The following HECW2 variants were observed in gnomAD, a reference collection of about 807,000 sequenced individuals.
HECW2 encodes the protein E3 ubiquitin-protein ligase HECW2.
Under a neutral mutation model 175.2 loss-of-function variants are expected in HECW2, and 61 were observed. That is an observed-to-expected ratio of 0.35 (90% confidence interval 0.28 to 0.43). The LOEUF (loss-of-function observed/expected upper bound fraction) is 0.43. Ranked by LOEUF, HECW2 falls within the 20% of genes least tolerant of loss-of-function variation. The pLI is 1.00. For synonymous variants in HECW2, 671 were observed against 731.0 expected (o/e 0.92, Z 1.32); for missense variants, 1,524 against 2,000.5 (o/e 0.76, Z 4.54).
chr2:196,402,200 C>CAAAAAA (rs55851966), intron 2 of HECW2, among the ~76,000 whole-genome samples: 5 of 70,384 alleles, frequency 7.1e-5, no homozygotes, highest in African/African-American at 1.6e-4. Context: ...GACTCTGTCT[C>CAAAAAA]AAAAAAAAAA....
intron 1 of HECW2, among the ~76,000 whole-genome samples, chr2:196,453,110 T>C (rs1250544016): frequency 1.3e-5 from 2 of 152,210 alleles, no homozygotes; most frequent in South Asian, 2.1e-4. Flanking sequence ...ACAGAGACCA[T>C]GTAAGCAAAT....
At chr2:196,527,322 C>T (rs928773514) in intron 1 of HECW2, among the ~76,000 whole-genome samples, 3 of 152,262 alleles carry the variant, frequency 2.0e-5, no homozygotes, top group African/African-American at 4.8e-5. Context: ...GGCAATGCCT[C>T]GCCCTGCTTC....
At chr2:196,323,115 T>G (rs762620123) in intron 6 of HECW2, among the ~76,000 whole-genome samples, 1 of 152,234 alleles carries the variant, frequency 6.6e-6, no homozygotes, top group African/African-American at 2.4e-5. Flanking sequence ...TGCAGAATAC[T>G]GTGGTTTCCC....
intron 28 of HECW2, 80 bp from the exon 29 acceptor site, chr2:196,201,468 G>C: frequency 1.2e-6 from 1 of 866,362 alleles, no homozygotes; most frequent in Non-Finnish European, 1.9e-6. Flanking sequence ...GTGTGTGTGT[G>C]TCTGTGTGTG....
chr2:196,350,771 A>G (rs1230378562), intron 2 of HECW2, among the ~76,000 whole-genome samples: 1 of 152,252 alleles, frequency 6.6e-6, no homozygotes, highest in African/African-American at 2.4e-5. Flanking sequence ...ATATAATGCA[A>G]TGCGAAAATT....
At chr2:196,424,722 A>T (rs779357502) in intron 2 of HECW2, among the ~76,000 whole-genome samples, 1 of 152,200 alleles carries the variant, frequency 6.6e-6, no homozygotes, top group Non-Finnish European at 1.5e-5. Flanking sequence ...GCAGAAGAAA[A>T]GCTGGAAGCT....
chr2:196,247,353 G>A (rs1367363020), intron 19 of HECW2, among the ~76,000 whole-genome samples: 1 of 152,172 alleles, frequency 6.6e-6, no homozygotes, highest in African/African-American at 2.4e-5. Flanking sequence ...TCCAGAGCAG[G>A]AATGATGTTA....
intron 14 of HECW2, chr2:196,290,370 T>G (rs1001561063): frequency 6.6e-6 from 1 of 152,228 alleles, no homozygotes; most frequent in Non-Finnish European, 1.5e-5. Context: ...CTATATGTAA[T>G]TGAAACTTTT....
At chr2:196,362,547 C>T (rs1038325784) in intron 2 of HECW2, among the ~76,000 whole-genome samples, 2 of 152,150 alleles carry the variant, frequency 1.3e-5, no homozygotes, top group African/African-American at 4.8e-5. Flanking sequence ...AGTATTTTAA[C>T]TAATCCAGAG....
intron 3 of HECW2, among the ~76,000 whole-genome samples, chr2:196,340,936 A>G (rs1311598023): frequency 6.6e-6 from 1 of 152,150 alleles, no homozygotes; most frequent in Admixed American, 6.5e-5. Context: ...GAAAAGAAAA[A>G]AAAAAAACCC....
At chr2:196,386,117 G>A (rs140845664) in intron 2 of HECW2, among the ~76,000 whole-genome samples, 90 of 152,334 alleles carry the variant, frequency 5.9e-4, no homozygotes, top group South Asian at 3.5e-3. Flanking sequence ...TGCCTACTTT[G>A]TGCCAGGATC....
intron 2 of HECW2, among the ~76,000 whole-genome samples, chr2:196,383,100 A>G (rs766809788): frequency 1.2e-4 from 19 of 152,194 alleles, no homozygotes; most frequent in Non-Finnish European, 2.5e-4. Context: ...GAAGCAGTGG[A>G]GCCAGATATA....
At chr2:196,218,720 A>G (rs919867264) in intron 26 of HECW2, among the ~76,000 whole-genome samples, 2 of 152,146 alleles carry the variant, frequency 1.3e-5, no homozygotes, top group Admixed American at 6.5e-5. Flanking sequence ...CATCTCCTGG[A>G]AGGAAAGAAT....
intron 2 of HECW2, among the ~76,000 whole-genome samples, chr2:196,401,237 G>A (rs771201980): frequency 1.2e-4 from 19 of 152,154 alleles, no homozygotes; most frequent in Non-Finnish European, 2.6e-4. Flanking sequence ...TAGGGTAATG[G>A]TTAAAGAAAT....
intron 2 of HECW2, among the ~76,000 whole-genome samples, chr2:196,411,966 C>A (rs185031092): frequency 6.6e-6 from 1 of 152,272 alleles, no homozygotes; most frequent in East Asian, 1.9e-4. Flanking sequence ...GCCAAAATTG[C>A]ACCAGTGCAC....
intron 4 of HECW2, among the ~76,000 whole-genome samples, chr2:196,333,882 T>C (rs1470439152): frequency 6.6e-6 from 1 of 152,118 alleles, no homozygotes; most frequent in Non-Finnish European, 1.5e-5. Context: ...GAAGTTGACT[T>C]CCATTGAGTG....
chr2:196,357,062 G>A (rs1693398269), intron 2 of HECW2, among the ~76,000 whole-genome samples: 1 of 152,216 alleles, frequency 6.6e-6, no homozygotes, highest in Non-Finnish European at 1.5e-5. Context: ...AAGCAGGGAA[G>A]TGACATGATC....
At chr2:196,565,869 A>T (rs1690170623) in intron 1 of HECW2, among the ~76,000 whole-genome samples, 2 of 152,214 alleles carry the variant, frequency 1.3e-5, no homozygotes, top group Non-Finnish European at 2.9e-5. Context: ...TCATAATACT[A>T]GGTTACTTTC....
At chr2:196,496,921 T>C (rs1687413861) in intron 1 of HECW2, among the ~76,000 whole-genome samples, 1 of 152,138 alleles carries the variant, frequency 6.6e-6, no homozygotes, top group African/African-American at 2.4e-5. Flanking sequence ...ACCTAGCATT[T>C]GCCAGACACT....
Sources: allele counts gnomAD v4.1 joint callset (sites outside exome capture counted in the v4.1 genomes callset), GRCh38; gene constraint gnomAD v4.1.1; transcripts MANE v1.5; gene names NCBI Gene and HGNC (gene_info 2026-07-23, HGNC 2026-07-21).